The following RIC3 variants were observed in gnomAD, a reference collection of about 807,000 sequenced individuals.
RIC3 encodes the protein RIC3 acetylcholine receptor chaperone.
Under a neutral mutation model 27.3 loss-of-function variants are expected in RIC3, and 28 were observed. The ratio of observed to expected loss-of-function variants is 1.02; its 90% CI spans 0.76 to 1.41. RIC3 has a LOEUF of 1.41. Among genes scored for constraint, RIC3 ranks in the 40% most tolerant of loss-of-function variants. The pLI is 0.00. For synonymous variants in RIC3, 184 were observed against 160.4 expected, an observed-to-expected ratio of 1.15 and a Z score of -1.11; for missense variants, 501 against 444.7, an observed-to-expected ratio of 1.13 and a Z score of -1.14.
At chr11:8,098,595 A>T in the RIC3 span, among the ~76,000 whole-genome samples, 1 of 152,142 alleles carries the variant, frequency 6.6e-6, no homozygotes, top group Non-Finnish European at 1.5e-5. Flanking sequence ...CTGCCCACGA[A>T]GTGTCTTCAA....
chr11:8,131,425 G>A (rs1208506886), intron 4 of RIC3, among the ~76,000 whole-genome samples: 1 of 152,176 alleles, frequency 6.6e-6, no homozygotes, highest in Non-Finnish European at 1.5e-5. Context: ...TCAGTTGGGG[G>A]ATAGATGACA....
At chr11:8,095,163 A>G in the RIC3 span, among the ~76,000 whole-genome samples, 2 of 152,154 alleles carry the variant, frequency 1.3e-5, no homozygotes, top group Non-Finnish European at 2.9e-5. Context: ...GGCCTTGCCT[A>G]TGGTCTGGAT....
At chr11:8,130,995 TA>T (rs928960885) in intron 4 of RIC3, among the ~76,000 whole-genome samples, 1 of 152,016 alleles carries the variant, frequency 6.6e-6, no homozygotes, top group African/African-American at 2.4e-5. Flanking sequence ...GTTGAAGGAT[TA>T]AAACAAAAGA....
the RIC3 span, chr11:8,097,116 G>A: frequency 1.0e-5 from 13 of 1,242,180 alleles, no homozygotes; most frequent in Non-Finnish European, 1.5e-5. Context: ...CCAATCCCAG[G>A]ATCCTTCCCT....
intron 4 of RIC3, among the ~76,000 whole-genome samples, chr11:8,128,979 C>T (rs2133686921): frequency 6.6e-6 from 1 of 152,092 alleles, no homozygotes; most frequent in South Asian, 2.1e-4. Context: ...TGGTCTCAAT[C>T]TCCTGACCTC....
chr11:8,145,565 G>C (rs1429442699), intron 1 of RIC3, among the ~76,000 whole-genome samples: 3 of 152,118 alleles, frequency 2.0e-5, no homozygotes, highest in Admixed American at 2.0e-4. Context: ...GAACAGACAG[G>C]ATGGATATAG....
At chr11:8,151,384 G>T (rs1181326408) in intron 1 of RIC3, among the ~76,000 whole-genome samples, 1 of 151,356 alleles carries the variant, frequency 6.6e-6, no homozygotes. Context: ...TCAGGAGATC[G>T]AGACCATCCT....
chr11:8,097,348 A>T, the RIC3 span: 1 of 1,614,094 alleles, frequency 6.2e-7, no homozygotes. Flanking sequence ...ATGCCGCATC[A>T]CTCGGGACAA....
intron 5 of RIC3, among the ~76,000 whole-genome samples, chr11:8,123,417 A>G (rs993439186): frequency 1.3e-5 from 2 of 152,190 alleles, no homozygotes; most frequent in Non-Finnish European, 2.9e-5. Context: ...CAATGAAATA[A>G]GAAACAAACA....
chr11:8,151,310 G>A (rs951805622), intron 1 of RIC3, among the ~76,000 whole-genome samples: 37 of 152,184 alleles, frequency 2.4e-4, no homozygotes, highest in Non-Finnish European at 4.4e-4. Context: ...CAAATAGGCC[G>A]GGCGCGGTGG....
At chr11:8,133,275 G>C (rs1289233034) in intron 4 of RIC3, among the ~76,000 whole-genome samples, 1 of 152,166 alleles carries the variant, frequency 6.6e-6, no homozygotes, top group South Asian at 2.1e-4. Flanking sequence ...CCAGAACTGT[G>C]AGCTAAATAA....
intron 1 of RIC3, among the ~76,000 whole-genome samples, chr11:8,146,810 A>G (rs1200857851): frequency 2.6e-5 from 4 of 152,228 alleles, no homozygotes; most frequent in Admixed American, 2.6e-4. Context: ...GAGTTTATCT[A>G]AAGACCTGGG....
At chr11:8,161,215 T>C (rs1304735729) in intron 1 of RIC3, among the ~76,000 whole-genome samples, 3 of 152,224 alleles carry the variant, frequency 2.0e-5, no homozygotes, top group Non-Finnish European at 4.4e-5. Flanking sequence ...AGATATTTAA[T>C]TTTTTATCTG....
At chr11:8,118,269 C>G (rs2133442237) in intron 5 of RIC3, among the ~76,000 whole-genome samples, 1 of 146,326 alleles carries the variant, frequency 6.8e-6, no homozygotes, top group African/African-American at 2.5e-5. Flanking sequence ...TATAAGCAAG[C>G]AACAAAAATT....
intron 4 of RIC3, among the ~76,000 whole-genome samples, chr11:8,130,786 G>A (rs867554457): frequency 2.0e-5 from 3 of 151,922 alleles, no homozygotes; most frequent in Non-Finnish European, 4.4e-5. Context: ...AGAGGACCCA[G>A]GCAAACGAAA....
At chr11:8,131,831 G>A (rs1431078385) in intron 4 of RIC3, among the ~76,000 whole-genome samples, 1 of 149,712 alleles carries the variant, frequency 6.7e-6, no homozygotes, top group Non-Finnish European at 1.5e-5. Flanking sequence ...AACCTGGGAG[G>A]TGGAGGTTGC....
rs1251280192 is a variant in RIC3 at position 8,110,368 on chromosome 11, TA to T, written c.*329del. ...TCACAGGTGAACTATCTGTTACACC[TA>T]CCAGGAAGAGTCAGACCTTTGCCCC... On this transcript the variant is annotated 3_prime_UTR_variant, in exon 6 of 6. Transcript: ENST00000309737. The T allele has an allele frequency of 2.4e-6, 1 of 411,920 alleles. No individual in the cohort carries two copies. Among genetic ancestry groups the T allele is most frequent in the Non-Finnish European group, 4.6e-6 (1 of 218,410 alleles). 25.5% of individuals were successfully genotyped at this position (411,920 alleles called of 1,614,324 possible). A position where few individuals can be genotyped will look rare whatever the true frequency, so the allele number is the denominator to read the frequency against.
chr11:8,097,464 AG>A, the RIC3 span: 3 of 1,613,032 alleles, frequency 1.9e-6, no homozygotes, highest in Non-Finnish European at 2.5e-6. Flanking sequence ...TAGGCTTTAC[AG>A]CCCTTTGAAA....
intron 4 of RIC3, among the ~76,000 whole-genome samples, chr11:8,127,547 G>T (rs770371645): frequency 4.6e-5 from 7 of 152,170 alleles, no homozygotes; most frequent in Non-Finnish European, 8.8e-5. Flanking sequence ...TGTGGTTCTG[G>T]CAAATATCTG....
Sources: gnomAD v4.1 joint callset for allele counts (sites outside exome capture counted in the v4.1 genomes callset) on GRCh38, gnomAD v4.1.1 for gene constraint, MANE v1.5 for transcripts, NCBI Gene and HGNC (gene_info 2026-07-23, HGNC 2026-07-21) for gene names.